The following PCDHGB4 variants were observed in gnomAD, a reference collection of about 807,000 sequenced individuals.
PCDHGB4 encodes the protein protocadherin gamma-B4.
PCDHGB4 carries 38 observed loss-of-function variants against 60.5 expected under a neutral mutation model. The observed-to-expected ratio is 0.63, with a 90% CI of 0.48 to 0.82. The LOEUF is 0.82. Ranked by LOEUF, PCDHGB4 falls within the 40% of genes least tolerant of loss-of-function variation. The probability of loss-of-function intolerance (pLI) is 0.00; values close to 1 mark genes in which losing one functional copy is unlikely to be tolerated. For synonymous variants in PCDHGB4, 456 were observed against 509.7 expected (o/e 0.89, Z 1.42); for missense variants, 1,109 against 1,209.6 (o/e 0.92, Z 1.23).
chr5:141,435,614 C>A, intron 1 of PCDHGB4, among the ~76,000 whole-genome samples: 1 of 152,056 alleles, frequency 6.6e-6, no homozygotes, highest in East Asian at 1.9e-4. Flanking sequence ...ACATTAAATT[C>A]CCCATAACTT....
At position 141,388,104 on chromosome 5, in the gene PCDHGB4, T is replaced by C; in HGVS notation, c.220T>C (p.Tyr74His). The C allele has an allele frequency of 7.2e-7, 1 of 1,386,112 alleles. No homozygotes were observed. Among genetic ancestry groups the C allele is most frequent in the Non-Finnish European group, 1.0e-6 (1 of 1,003,452 alleles). 85.9% of individuals were successfully genotyped at this position (1,386,112 alleles called of 1,614,324 possible). ...RKLRVSSEKP[Y>H]FTVSAESGEL... is the part of the protein sequence containing the mutation. ...ACTGCGCGTCAGTTCGGAGAAGCCT[T>C]ACTTCACCGTGAGCGCAGAGAGCGG... Residue 74 changes from tyrosine (Y) to histidine (H), a missense_variant, in exon 1 of 4, where the codon TAC becomes CAC. Coordinates refer to ENST00000519479, the MANE Select transcript of PCDHGB4 (RefSeq NM_003736.4).
intron 1 of PCDHGB4, chr5:141,417,887 C>A: frequency 6.4e-7 from 1 of 1,564,888 alleles, no homozygotes; most frequent in Non-Finnish European, 8.7e-7. Context: ...GCAGAGGCGC[C>A]GGGCCGGCCC....
intron 1 of PCDHGB4, among the ~76,000 whole-genome samples, chr5:141,451,606 G>C (rs2098720118): frequency 6.6e-6 from 1 of 152,152 alleles, no homozygotes; most frequent in Non-Finnish European, 1.5e-5. Flanking sequence ...ACAAGGCTAG[G>C]CATGGTGGCT....
chr5:141,393,615 G>A (rs1168568292), intron 1 of PCDHGB4: 1 of 1,613,928 alleles, frequency 6.2e-7, no homozygotes, highest in South Asian at 1.1e-5. Context: ...AACAGCCAGC[G>A]ACCCGGATGA....
chr5:141,478,392 A>G, intron 1 of PCDHGB4: 1 of 1,613,560 alleles, frequency 6.2e-7, no homozygotes, highest in Non-Finnish European at 8.5e-7. Context: ...CTTTACCATC[A>G]GGTGTATCTC....
intron 1 of PCDHGB4, chr5:141,410,466 G>A (rs536543649): frequency 6.2e-7 from 1 of 1,613,908 alleles, no homozygotes; most frequent in African/African-American, 1.3e-5. Context: ...TATAATCTGT[G>A]CATTGCACAT....
chr5:141,432,659 G>A lies in PCDHGB4; in HGVS notation c.2397+42378G>A. On this transcript the variant is annotated intron_variant, in intron 1 of 3. Coordinates refer to ENST00000519479, the MANE Select transcript of PCDHGB4 (RefSeq NM_003736.4). This position sits in a 1 kb window ranked among gnomAD's most constrained non-coding sequence, Gnocchi z 6.0. ...GGTGCGCACGGCGCGAGCCCTGCTG[G>A]ACAGAGACGCGCTCAAGCAGAGCCT... 1 of 1,613,884 alleles carries A rather than the reference G, an allele frequency of 6.2e-7. No homozygotes were observed. The highest frequency in any genetic ancestry group is 8.5e-7 in the Non-Finnish European group (1 of 1,179,956).
chr5:141,422,744 T>C, intron 1 of PCDHGB4: 1 of 1,610,696 alleles, frequency 6.2e-7, no homozygotes, highest in Non-Finnish European at 8.5e-7. Flanking sequence ...TCCTCCTATG[T>C]CTCTATTAAC....
chr5:141,424,878 G>A (rs1455273258), intron 1 of PCDHGB4, among the ~76,000 whole-genome samples: 2 of 152,162 alleles, frequency 1.3e-5, no homozygotes, highest in African/African-American at 4.8e-5. Context: ...GAGGAAAGGA[G>A]ACTTATCTAG....
chr5:141,418,987 A>AG (rs781016682), intron 1 of PCDHGB4: 1 of 1,613,974 alleles, frequency 6.2e-7, no homozygotes, highest in South Asian at 1.1e-5. Context: ...ACCAAGACTC[A>AG]GGGGAAAATG....
intron 1 of PCDHGB4, chr5:141,400,399 A>G: frequency 6.2e-7 from 1 of 1,614,054 alleles, no homozygotes; most frequent in Non-Finnish European, 8.5e-7. Context: ...TACAGGAAAG[A>G]CGGAGTTTAA....
intron 1 of PCDHGB4, chr5:141,423,473 C>A: frequency 6.2e-7 from 1 of 1,614,010 alleles, no homozygotes; most frequent in Non-Finnish European, 8.5e-7. Flanking sequence ...GGGGTACAGG[C>A]TTTCCTGCAA....
chr5:141,448,103 A>G (rs1252710550), intron 1 of PCDHGB4, among the ~76,000 whole-genome samples: 2 of 151,992 alleles, frequency 1.3e-5, no homozygotes, highest in Non-Finnish European at 2.9e-5. Context: ...AAAAAATTAA[A>G]AGAAAAGAAA....
At chr5:141,479,063 A>G (rs1476826751) in intron 1 of PCDHGB4, among the ~76,000 whole-genome samples, 1 of 152,204 alleles carries the variant, frequency 6.6e-6, no homozygotes, top group African/African-American at 2.4e-5. Context: ...ATAATTTTTT[A>G]TGAATGAAAT....
intron 1 of PCDHGB4, chr5:141,419,559 T>C: frequency 6.2e-7 from 1 of 1,611,930 alleles, no homozygotes. Context: ...TACCCTGCGC[T>C]GGGTCCCGAC....
intron 1 of PCDHGB4, chr5:141,404,208 A>G (rs1411239715): frequency 6.2e-7 from 1 of 1,613,782 alleles, no homozygotes; most frequent in Admixed American, 1.7e-5. Flanking sequence ...TCAGAATATA[A>G]TATCACGGTG....
At chr5:141,466,654 C>A (rs985749176) in intron 1 of PCDHGB4, among the ~76,000 whole-genome samples, 12 of 152,178 alleles carry the variant, frequency 7.9e-5, no homozygotes, top group African/African-American at 2.9e-4. Flanking sequence ...TTTCACAAAA[C>A]ATCAGTGATT....
intron 1 of PCDHGB4, chr5:141,471,166 C>T (rs1427053969): frequency 2.0e-5 from 3 of 150,492 alleles, no homozygotes; most frequent in Non-Finnish European, 2.9e-5. Context: ...TCTCCTGGCT[C>T]AGCCTCCCTA....
At chr5:141,393,138 C>G (rs2092688516) in intron 1 of PCDHGB4, 1 of 1,613,196 alleles carries the variant, frequency 6.2e-7, no homozygotes, top group Non-Finnish European at 8.5e-7. Flanking sequence ...TATTAACACC[C>G]TGGTTGAGGA....
Sources: gnomAD v4.1 joint callset for allele counts (sites outside exome capture counted in the v4.1 genomes callset) on GRCh38, gnomAD v4.1.1 for gene constraint, Gnocchi (gnomAD v3.1) non-coding constraint, MANE v1.5 for transcripts, NCBI Gene and HGNC (gene_info 2026-07-23, HGNC 2026-07-21) for gene names.